Variants in MLLT3 observed in about 807,000 individuals in gnomAD.
MLLT3 encodes MLLT3 super elongation complex subunit.
In MLLT3, 4 loss-of-function variants were observed where a neutral mutation model predicts 53.2. That is an observed-to-expected ratio of 0.08 (90% CI 0.04 to 0.17). The LOEUF (loss-of-function observed/expected upper bound fraction) is 0.17. MLLT3 is among the 10% of genes least tolerant of loss of function. The probability of loss-of-function intolerance (pLI) is 1.00; values close to 1 mark genes in which losing one functional copy is unlikely to be tolerated. For missense variants in MLLT3, 569 were observed against 684.0 expected (o/e 0.83, Z 1.87); for synonymous variants, 283 against 230.6 (o/e 1.23, Z -2.06).
At chr9:20,445,601 T>A (rs1586954433) in intron 4 of MLLT3, among the ~76,000 whole-genome samples, 1 of 152,318 alleles carries the variant, frequency 6.6e-6, no homozygotes, top group East Asian at 1.9e-4. Flanking sequence ...ACAACCTTTC[T>A]GATCTCTTGA....
intron 4 of MLLT3, among the ~76,000 whole-genome samples, chr9:20,439,475 G>A (rs1310867190): frequency 6.8e-6 from 1 of 147,618 alleles, no homozygotes; most frequent in Admixed American, 6.8e-5. Flanking sequence ...CTTCTGTATT[G>A]TCAAAACCAT....
At chr9:20,609,708 G>C (rs1348321518) in intron 2 of MLLT3, among the ~76,000 whole-genome samples, 1 of 152,090 alleles carries the variant, frequency 6.6e-6, no homozygotes, top group Non-Finnish European at 1.5e-5. Flanking sequence ...GCACCGATAT[G>C]ATCAGAAATT....
chr9:20,523,154 A>T (rs1818109934), intron 2 of MLLT3, among the ~76,000 whole-genome samples: 1 of 152,196 alleles, frequency 6.6e-6, no homozygotes, highest in Non-Finnish European at 1.5e-5. Flanking sequence ...AGGAAATGCA[A>T]ATTAAAACAA....
At chr9:20,540,320 T>C (rs1254241557) in intron 2 of MLLT3, among the ~76,000 whole-genome samples, 1 of 152,192 alleles carries the variant, frequency 6.6e-6, no homozygotes, top group South Asian at 2.1e-4. Flanking sequence ...CTCCAACCCA[T>C]TTACCTCCTG....
At chr9:20,563,682 T>A (rs1169925183) in intron 2 of MLLT3, among the ~76,000 whole-genome samples, 1 of 152,140 alleles carries the variant, frequency 6.6e-6, no homozygotes, top group African/African-American at 2.4e-5. Context: ...TTTCCCTTTA[T>A]CCTTCAGTGA....
At chr9:20,498,209 C>CAG (rs1825125923) in intron 2 of MLLT3, among the ~76,000 whole-genome samples, 1 of 110,208 alleles carries the variant, frequency 9.1e-6, no homozygotes, top group Non-Finnish European at 1.7e-5. Context: ...GCCTAGGTGA[C>CAG]AGAGCGAGAC....
chr9:20,349,213 C>T (rs1820949971), intron 10 of MLLT3, among the ~76,000 whole-genome samples: 1 of 152,150 alleles, frequency 6.6e-6, no homozygotes, highest in South Asian at 2.1e-4. Context: ...ACATCATAAC[C>T]TTTGAGCCTC....
At chr9:20,450,663 C>CA (rs1823815624) in intron 3 of MLLT3, among the ~76,000 whole-genome samples, 1 of 152,200 alleles carries the variant, frequency 6.6e-6, no homozygotes, top group Non-Finnish European at 1.5e-5. Context: ...ACTCATTATT[C>CA]AAGACCCAGC....
Position 20,621,216 on chromosome 9 carries a change from G to C in MLLT3, c.13-382C>G, listed in dbSNP as rs1056120098. Among the ~76,000 whole-genome samples the C allele has an allele frequency of 4.5e-4, 69 of 152,318 alleles. 1 individual carries two copies. The highest frequency in any genetic ancestry group is 3.9e-3 in the Admixed American group (59 of 15,308). ...GGCGGTTTCCCGGCGTGGGAGGGGA[G>C]GTGGCTGGGACCCAGGGGGACCGAA... On this transcript the variant is annotated intron_variant, in intron 1 of 10. Coordinates refer to ENST00000380338, the MANE Select transcript of MLLT3 (RefSeq NM_004529.4). This position sits in a 1 kb window ranked among gnomAD's most constrained non-coding sequence, Gnocchi z 7.0.
intron 2 of MLLT3, among the ~76,000 whole-genome samples, chr9:20,578,933 C>T (rs1333517523): frequency 1.3e-5 from 2 of 152,098 alleles, no homozygotes; most frequent in African/African-American, 4.8e-5. Flanking sequence ...TTACTTGTTT[C>T]TTTTTACTTT....
Position 20,615,882 on chromosome 9 carries a change from AAAAAAAAAAG to A in MLLT3, c.193+4762_193+4771del, listed in dbSNP as rs763280328. ...TTAAAACAAAGAGATTTGAAAAAAA[AAAAAAAAAAG>A]AAAAGAAAAGTAAACAATGCCCCTC... On this transcript the variant is annotated intron_variant, in intron 2 of 10. Coordinates refer to ENST00000380338, the MANE Select transcript of MLLT3 (RefSeq NM_004529.4). 3.9e-3 allele frequency among the ~76,000 whole-genome samples: 596 copies of A among 151,214 alleles called. 6 individuals are homozygous for A. The highest frequency in any genetic ancestry group is 6.8e-3 in the Non-Finnish European group (459 of 67,740).
At chr9:20,553,561 C>T (rs1246270909) in intron 2 of MLLT3, among the ~76,000 whole-genome samples, 4 of 152,154 alleles carry the variant, frequency 2.6e-5, no homozygotes, top group Non-Finnish European at 5.9e-5. Context: ...TTGGAATGAA[C>T]GATTTGTCTA....
At chr9:20,567,598 A>G (rs1221570051) in intron 2 of MLLT3, among the ~76,000 whole-genome samples, 1 of 152,200 alleles carries the variant, frequency 6.6e-6, no homozygotes, top group Non-Finnish European at 1.5e-5. Flanking sequence ...AAGAAAGCGT[A>G]ACTGCAAGAT....
intron 4 of MLLT3, among the ~76,000 whole-genome samples, chr9:20,444,647 C>T (rs1823645314): frequency 6.6e-6 from 1 of 152,062 alleles, no homozygotes; most frequent in African/African-American, 2.4e-5. Flanking sequence ...CCGAGGGGGG[C>T]TGATCATTTC....
intron 2 of MLLT3, among the ~76,000 whole-genome samples, chr9:20,462,341 G>T (rs1269201128): frequency 6.6e-6 from 1 of 152,090 alleles, no homozygotes; most frequent in Non-Finnish European, 1.5e-5. Flanking sequence ...AAGAATTAAA[G>T]ATAACATCAA....
At position 20,590,530 on chromosome 9, in the gene MLLT3, G is replaced by C. The variant is rs1486617840; in HGVS notation, c.193+30124C>G. ...ACTTGTTCATTCTCTCGTGTTCATT[G>C]TCTGTCTGTCTCTCTCTCTGTCACT... On this transcript the variant is annotated intron_variant, in intron 2 of 10. Transcript: ENST00000380338. 3.3e-5 allele frequency among the ~76,000 whole-genome samples: 5 copies of C among 152,100 alleles called. No homozygotes were observed. The East Asian group carries it at 9.6e-4, about 29-fold the overall frequency.
intron 5 of MLLT3, among the ~76,000 whole-genome samples, chr9:20,390,062 A>T (rs1356354558): frequency 6.6e-6 from 1 of 152,216 alleles, no homozygotes; most frequent in Non-Finnish European, 1.5e-5. Flanking sequence ...ACGTTATGAG[A>T]AGCAACCAAG....
At chr9:20,538,771 C>A (rs567905467) in intron 2 of MLLT3, among the ~76,000 whole-genome samples, 1 of 152,182 alleles carries the variant, frequency 6.6e-6, no homozygotes, top group African/African-American at 2.4e-5. Context: ...TTTTAAAAAT[C>A]TGCACAGGCA....
chr9:20,452,737 A>G (rs1823868960), intron 3 of MLLT3, among the ~76,000 whole-genome samples: 1 of 152,196 alleles, frequency 6.6e-6, no homozygotes, highest in Non-Finnish European at 1.5e-5. Context: ...CTTGGGGAAT[A>G]AGCCAGACTC....
Sources: gnomAD v4.1 joint callset for allele counts (sites outside exome capture counted in the v4.1 genomes callset) on GRCh38, gnomAD v4.1.1 for gene constraint, Gnocchi (gnomAD v3.1) non-coding constraint, MANE v1.5 for transcripts, NCBI Gene and HGNC (gene_info 2026-07-23, HGNC 2026-07-21) for gene names.